SRPK2: variants seen among roughly 807,000 people sequenced by gnomAD.
SRPK2 encodes SFRS protein kinase 2.
A neutral mutation model predicts 90.8 loss-of-function variants in SRPK2; 21 were observed. That is an observed-to-expected ratio of 0.23 (90% CI 0.16 to 0.33). The LOEUF (loss-of-function observed/expected upper bound fraction) is 0.33. SRPK2 is among the 10% of genes least tolerant of loss of function. SRPK2 has a pLI of 1.00. For synonymous variants in SRPK2, 288 were observed against 311.1 expected (o/e 0.93, Z 0.78); for missense variants, 620 against 869.0 (o/e 0.71, Z 3.60).
intron 2 of SRPK2, among the ~76,000 whole-genome samples, chr7:105,319,325 T>C (rs1246135272): frequency 6.6e-6 from 1 of 152,164 alleles, no homozygotes; most frequent in African/African-American, 2.4e-5. Flanking sequence ...TAGAAGAGTT[T>C]AAGTATACAG....
At chr7:105,198,239 A>ACCAGGAATTGGTATGTTTAC (rs1189755523) in intron 3 of SRPK2, among the ~76,000 whole-genome samples, 1 of 152,210 alleles carries the variant, frequency 6.6e-6, no homozygotes, top group African/African-American at 2.4e-5. Context: ...TCAGGGGTTT[A>ACCAGGAATTGGTATGTTTAC]CAGTGCAGCC....
chr7:105,307,488 T>C (rs980407650), intron 2 of SRPK2, among the ~76,000 whole-genome samples: 2 of 152,392 alleles, frequency 1.3e-5, no homozygotes, highest in African/African-American at 4.8e-5. Context: ...CAGCCCTTGC[T>C]GGCAGTGCCA....
intron 2 of SRPK2, among the ~76,000 whole-genome samples, chr7:105,387,199 G>A (rs3801999): frequency 0.63 from 95,291 of 152,050 alleles, 30,539 homozygotes; most frequent in South Asian, 0.76. Context: ...ATGTTTCTGA[G>A]TATAACAGAC....
upstream of SRPK2, among the ~76,000 whole-genome samples, chr7:105,392,851 C>T (rs1409773932): frequency 1.4e-5 from 2 of 146,234 alleles, no homozygotes; most frequent in Admixed American, 6.8e-5. Context: ...CTTGCTCCGT[C>T]GCCCAGGCTG....
At chr7:105,371,563 G>A (rs1163389703) in intron 2 of SRPK2, among the ~76,000 whole-genome samples, 2 of 127,786 alleles carry the variant, frequency 1.6e-5, no homozygotes, top group African/African-American at 5.8e-5. Context: ...ACCAGCCTGG[G>A]CAACAGTGAG....
intron 11 of SRPK2, among the ~76,000 whole-genome samples, chr7:105,135,954 G>A (rs946570588): frequency 3.3e-5 from 5 of 152,048 alleles, no homozygotes; most frequent in Admixed American, 6.6e-5. Flanking sequence ...TAGTAGAGAC[G>A]GGGTTTCACC....
chr7:105,122,575 T>C (rs558685088), intron 15 of SRPK2, among the ~76,000 whole-genome samples: 1 of 152,304 alleles, frequency 6.6e-6, no homozygotes, highest in African/African-American at 2.4e-5. Flanking sequence ...ATTCAGGAGA[T>C]AATTTTAAAA....
intron 15 of SRPK2, among the ~76,000 whole-genome samples, chr7:105,118,530 G>C (rs931570000): frequency 2.0e-5 from 3 of 152,174 alleles, no homozygotes; most frequent in Admixed American, 6.5e-5. Flanking sequence ...GGCAGCTTTG[G>C]TTGACATAAC....
At chr7:105,171,051 G>C (rs1286875946) in intron 3 of SRPK2, among the ~76,000 whole-genome samples, 2 of 147,856 alleles carry the variant, frequency 1.4e-5, no homozygotes, top group Admixed American at 1.4e-4. Flanking sequence ...AGGCAGGCAA[G>C]GAAAAGAAAA....
intron 2 of SRPK2, among the ~76,000 whole-genome samples, chr7:105,246,774 A>G (rs1801721397): frequency 6.6e-6 from 1 of 152,240 alleles, no homozygotes; most frequent in Admixed American, 6.5e-5. Context: ...ACTGAAGACA[A>G]TCAACTATAA....
intron 2 of SRPK2, among the ~76,000 whole-genome samples, chr7:105,273,694 A>G (rs1806131726): frequency 6.6e-6 from 1 of 152,148 alleles, no homozygotes; most frequent in Admixed American, 6.5e-5. Context: ...GCATTACCAA[A>G]TTACTAAAAT....
At chr7:105,224,902 C>T (rs1798527977) in intron 2 of SRPK2, among the ~76,000 whole-genome samples, 1 of 152,080 alleles carries the variant, frequency 6.6e-6, no homozygotes, top group African/African-American at 2.4e-5. Context: ...ATAAAAAGCC[C>T]CAATCTTAAA....
intron 2 of SRPK2, among the ~76,000 whole-genome samples, chr7:105,226,970 C>CA (rs952739667): frequency 9.9e-5 from 15 of 152,176 alleles, no homozygotes; most frequent in Non-Finnish European, 2.1e-4. Context: ...AGAGAGCGAG[C>CA]AGTGATTTCT....
chr7:105,282,281 A>T (rs934568093), intron 2 of SRPK2, among the ~76,000 whole-genome samples: 1 of 152,244 alleles, frequency 6.6e-6, no homozygotes, highest in Admixed American at 6.5e-5. Context: ...AGGAGAATGA[A>T]GCCAGAGTTC....
intron 2 of SRPK2, among the ~76,000 whole-genome samples, chr7:105,378,902 A>G (rs1260487327): frequency 6.6e-6 from 1 of 152,184 alleles, no homozygotes; most frequent in Non-Finnish European, 1.5e-5. Context: ...TGTGAAGCAA[A>G]CTTAAGTGTC....
At chr7:105,322,177 G>A (rs1454630966) in intron 2 of SRPK2, among the ~76,000 whole-genome samples, 1 of 152,216 alleles carries the variant, frequency 6.6e-6, no homozygotes, top group Non-Finnish European at 1.5e-5. Flanking sequence ...GACTCTGGGA[G>A]GCCGAGGCGG....
At chr7:105,254,237 C>T (rs184737229) in intron 2 of SRPK2, among the ~76,000 whole-genome samples, 16 of 152,292 alleles carry the variant, frequency 1.1e-4, no homozygotes, top group African/African-American at 3.8e-4. Flanking sequence ...GAGTAAAGAC[C>T]TAAAGAACAG....
intron 2 of SRPK2, among the ~76,000 whole-genome samples, chr7:105,381,315 G>A (rs1820922546): frequency 6.6e-6 from 1 of 152,022 alleles, no homozygotes; most frequent in African/African-American, 2.4e-5. Context: ...AGTGGCTCAA[G>A]CCTGTAATCC....
At chr7:105,340,532 C>T (rs1418544520) in intron 2 of SRPK2, among the ~76,000 whole-genome samples, 1 of 151,842 alleles carries the variant, frequency 6.6e-6, no homozygotes, top group East Asian at 1.9e-4. Flanking sequence ...GTTGCCCAAG[C>T]TCCCAAGTAG....
Sources: allele counts gnomAD v4.1 joint callset (sites outside exome capture counted in the v4.1 genomes callset), GRCh38; gene constraint gnomAD v4.1.1; transcripts MANE v1.5; gene names NCBI Gene and HGNC (gene_info 2026-07-23, HGNC 2026-07-21).